The following PAPPA variants were observed in gnomAD, a reference collection of about 807,000 sequenced individuals.
PAPPA encodes pappalysin-1.
PAPPA carries 60 observed loss-of-function variants against 164.0 expected under a neutral mutation model. The ratio of observed to expected loss-of-function variants is 0.37; its 90% CI spans 0.30 to 0.45. PAPPA has a LOEUF of 0.45. Among genes scored for constraint, PAPPA ranks in the 20% least tolerant of loss-of-function variants. The probability of loss-of-function intolerance (pLI) is 1.00; values close to 1 mark genes in which losing one functional copy is unlikely to be tolerated. For synonymous variants in PAPPA, 875 were observed against 814.1 expected (o/e 1.07, Z -1.27); for missense variants, 1,782 against 2,087.3 (o/e 0.85, Z 2.85).
chr9:116,205,713 T>A (rs945537278), intron 2 of PAPPA, among the ~76,000 whole-genome samples: 13 of 152,204 alleles, frequency 8.5e-5, no homozygotes, highest in Admixed American at 4.6e-4. Flanking sequence ...GCACTGAGGC[T>A]TTCTACATGC....
intron 7 of PAPPA, among the ~76,000 whole-genome samples, chr9:116,240,752 G>A (rs888851194): frequency 4.6e-5 from 7 of 152,172 alleles, no homozygotes; most frequent in African/African-American, 1.4e-4. Flanking sequence ...CTATCAAGGG[G>A]CAAAGCTGGG....
intron 10 of PAPPA, among the ~76,000 whole-genome samples, chr9:116,311,595 C>T (rs1328664373): frequency 6.6e-6 from 1 of 152,160 alleles, no homozygotes; most frequent in Admixed American, 6.5e-5. Context: ...AAAGACCTGA[C>T]TTGGGTACTG....
chr9:116,187,382 C>T lies in PAPPA; in HGVS notation c.644C>T (p.Ala215Val), dbSNP rs1299052059. The change falls in exon 2 of 22, where the codon GCC (alanine) becomes GTC (valine). Residue 215 changes from alanine (A) to valine (V), a missense_variant. Physicochemically the swap from Ala to Val is moderately conservative, Grantham distance 64. Coordinates refer to ENST00000328252, the MANE Select transcript of PAPPA (RefSeq NM_002581.5). This position sits in a 1 kb window ranked among gnomAD's most constrained non-coding sequence, Gnocchi z 4.2. ...TTCATGAAGCTCTATGTGAATGGTG[C>T]CCAGGTGGCCACCTCTGGGGAACAA... is the stretch of plus-strand genomic sequence containing the variant. Reference protein sequence around the residue: ...GQFMKLYVNGAQVATSGEQVG... With the variant: ...GQFMKLYVNGVQVATSGEQVG... 2 of 1,613,908 alleles carry T rather than the reference C, an allele frequency of 1.2e-6. No individual in the cohort carries two copies. The highest frequency in any genetic ancestry group is 4.5e-5 in the East Asian group (2 of 44,886).
intron 12 of PAPPA, among the ~76,000 whole-genome samples, chr9:116,333,734 A>C (rs79655116): frequency 6.6e-6 from 1 of 152,210 alleles, no homozygotes; most frequent in Non-Finnish European, 1.5e-5. Flanking sequence ...AAATATTTTC[A>C]TAGTTGTCGT....
At chr9:116,390,880 C>A (rs1009252588) in intron 21 of PAPPA, among the ~76,000 whole-genome samples, 1 of 152,208 alleles carries the variant, frequency 6.6e-6, no homozygotes, top group African/African-American at 2.4e-5. Context: ...ACCACCATCA[C>A]CACTAGCATC....
intron 9 of PAPPA, among the ~76,000 whole-genome samples, chr9:116,290,664 TTC>T (rs904137498): frequency 6.6e-6 from 1 of 151,572 alleles, no homozygotes; most frequent in East Asian, 1.9e-4. Flanking sequence ...TCTCTTTTCT[TTC>T]TCTCTCTCTC....
intron 10 of PAPPA, among the ~76,000 whole-genome samples, chr9:116,330,569 T>C (rs945927582): frequency 6.6e-6 from 1 of 152,036 alleles, no homozygotes; most frequent in Non-Finnish European, 1.5e-5. Flanking sequence ...TACTGTTTGG[T>C]ATTTACTATC....
chr9:116,365,568 C>CTTTT (rs1564243203), intron 18 of PAPPA, among the ~76,000 whole-genome samples: 2 of 69,538 alleles, frequency 2.9e-5, no homozygotes, highest in Non-Finnish European at 7.6e-5. Flanking sequence ...TTTTTTTTTC[C>CTTTT]TCTCTTGGGA....
At chr9:116,332,223 T>C (rs731147) in intron 11 of PAPPA, 110 bp from the exon 12 acceptor site, 21,621 of 843,266 alleles carry the variant, frequency 0.026, 1,563 homozygotes, top group East Asian at 0.23. Flanking sequence ...TGATGAGTAG[T>C]AGCCCAGTTC....
intron 7 of PAPPA, among the ~76,000 whole-genome samples, chr9:116,265,061 G>A (rs560697984): frequency 2.0e-5 from 3 of 152,010 alleles, no homozygotes; most frequent in Non-Finnish European, 4.4e-5. Flanking sequence ...CTTTGCAAGG[G>A]GTGAGGTTAT....
At chr9:116,184,924 C>T (rs1843951679) in intron 1 of PAPPA, among the ~76,000 whole-genome samples, 1 of 152,142 alleles carries the variant, frequency 6.6e-6, no homozygotes. Context: ...ACAACCATTG[C>T]TCTCGAGAAG....
At position 116,154,030 on chromosome 9, in the gene PAPPA, AAG is replaced by A. The variant is rs2118961349; in HGVS notation, c.-141_-140del. On this transcript the variant is annotated 5_prime_UTR_variant, in exon 1 of 22. Transcript: ENST00000328252. This position sits in a 1 kb window ranked among gnomAD's most constrained non-coding sequence, Gnocchi z 5.2. Reference sequence around the variant, plus strand: ...ACACACCTTGAGGAGGAAAGCGAGAAAGAAAAGAAAAAAGCAAGTGGAAAGGG... The same window carrying A: ...ACACACCTTGAGGAGGAAAGCGAGAAAAAAGAAAAAAGCAAGTGGAAAGGG... 2.8e-6 allele frequency: 3 copies of A among 1,058,268 alleles called. No homozygotes were observed. The highest frequency in any genetic ancestry group is 4.5e-5 in the South Asian group (2 of 44,910). The allele number at this position is 1,058,268 out of a possible 1,614,324, so 65.6% of individuals were successfully genotyped here.
chr9:116,287,992 A>G (rs1321238210), intron 9 of PAPPA, among the ~76,000 whole-genome samples: 2 of 152,204 alleles, frequency 1.3e-5, no homozygotes, highest in Non-Finnish European at 2.9e-5. Context: ...GTGAACATGA[A>G]TAGTTATGAT....
In PAPPA at chr9:116,170,066, C is replaced by T. The variant is rs560182806; in HGVS notation, c.415+15479C>T. Among the ~76,000 whole-genome samples, 4 of 152,182 alleles carry T rather than the reference C, an allele frequency of 2.6e-5. No individual in the cohort carries two copies. The South Asian group carries it at 6.2e-4, about 24-fold the overall frequency. On this transcript the variant is annotated intron_variant, in intron 1 of 21. Transcript: ENST00000328252. ...AGTACTTGATTTGTAAACCCCAAGA[C>T]ATTTTCTGTAAAAATTTGAGGTTGT...
In PAPPA at chr9:116,187,522, G is replaced by A. The variant is rs375410817; in HGVS notation, c.784G>A (p.Ala262Thr). The change falls in exon 2 of 22, where the codon GCC becomes ACC. Residue 262 changes from alanine to threonine, a missense_variant. By Grantham distance (58) the Ala-to-Thr change is moderately conservative. Coordinates refer to ENST00000328252, the MANE Select transcript of PAPPA (RefSeq NM_002581.5). This position sits in a 1 kb window ranked among gnomAD's most constrained non-coding sequence, Gnocchi z 4.2. ...CGAGCACTTCAGTCTGTGGAAGGTGGCCAGGACTCAGCGGGAGATACTGTC... is the reference window on the plus strand; with the variant it reads ...CGAGCACTTCAGTCTGTGGAAGGTGACCAGGACTCAGCGGGAGATACTGTC... ...YIEHFSLWKV[A>T]RTQREILSDM... 2.0e-5 allele frequency: 32 copies of A among 1,614,036 alleles called. No homozygotes were observed. Among genetic ancestry groups the A allele is most frequent in the Non-Finnish European group, 2.7e-5 (32 of 1,180,032 alleles).
intron 21 of PAPPA, among the ~76,000 whole-genome samples, chr9:116,391,261 C>T (rs547175930): frequency 2.0e-5 from 3 of 152,308 alleles, no homozygotes; most frequent in Non-Finnish European, 4.4e-5. Flanking sequence ...AAGAAACTTA[C>T]AGGGGAATCC....
intron 19 of PAPPA, among the ~76,000 whole-genome samples, chr9:116,370,233 C>A (rs1265297893): frequency 6.6e-6 from 1 of 152,138 alleles, no homozygotes; most frequent in Non-Finnish European, 1.5e-5. Context: ...CTGGGTCAGG[C>A]ACTTCCTATC....
intron 10 of PAPPA, among the ~76,000 whole-genome samples, chr9:116,317,029 C>G (rs1845795494): frequency 6.6e-6 from 1 of 152,032 alleles, no homozygotes; most frequent in South Asian, 2.1e-4. Flanking sequence ...GGTAATGTGA[C>G]TTGTACTTCA....
intron 10 of PAPPA, among the ~76,000 whole-genome samples, chr9:116,305,134 GACACACACACACACACAC>G (rs57723920): frequency 7.7e-6 from 1 of 129,862 alleles, no homozygotes; most frequent in Non-Finnish European, 1.6e-5. Flanking sequence ...TGGGCACACA[GACACACACACACACACAC>G]ACACACACAC....
Sources: allele counts gnomAD v4.1 joint callset (sites outside exome capture counted in the v4.1 genomes callset), GRCh38; gene constraint gnomAD v4.1.1; non-coding constraint Gnocchi (gnomAD v3.1); transcripts MANE v1.5; gene names NCBI Gene and HGNC (gene_info 2026-07-23, HGNC 2026-07-21).